Variants in KCNIP4 observed in about 807,000 individuals in gnomAD.
KCNIP4 encodes potassium voltage-gated channel interacting protein 4.
A neutral mutation model predicts 34.0 loss-of-function variants in KCNIP4; 12 were observed. The observed-to-expected ratio is 0.35, with a 90% CI of 0.23 to 0.57. The LOEUF (loss-of-function observed/expected upper bound fraction) is 0.57, where lower values mean the gene tolerates loss of function less well. KCNIP4 is among the 20% of genes least tolerant of loss of function. The pLI, the probability that KCNIP4 is intolerant of heterozygous loss-of-function variation, is 0.83. For missense variants in KCNIP4, 238 were observed against 311.7 expected (o/e 0.76, Z 1.78); for synonymous variants, 124 against 102.2 (o/e 1.21, Z -1.29).
chr4:21,573,828 T>C (rs1740533876), intron 1 of KCNIP4, among the ~76,000 whole-genome samples: 1 of 152,198 alleles, frequency 6.6e-6, no homozygotes, highest in Non-Finnish European at 1.5e-5. Flanking sequence ...TGATAACTAA[T>C]GTTGGAAACT....
At chr4:20,948,984 C>A (rs911251836) in intron 1 of KCNIP4, among the ~76,000 whole-genome samples, 3 of 152,104 alleles carry the variant, frequency 2.0e-5, no homozygotes, top group Non-Finnish European at 4.4e-5. Context: ...CCCTGCCACC[C>A]CTTTTGTATG....
chr4:21,631,461 A>G (rs1057503732), intron 1 of KCNIP4, among the ~76,000 whole-genome samples: 2 of 152,220 alleles, frequency 1.3e-5, no homozygotes, highest in African/African-American at 4.8e-5. Context: ...AGGTAAATCA[A>G]TAGTAACTTA....
intron 1 of KCNIP4, among the ~76,000 whole-genome samples, chr4:21,094,395 G>A (rs779430996): frequency 6.6e-6 from 1 of 152,172 alleles, no homozygotes; most frequent in African/African-American, 2.4e-5. Flanking sequence ...TACACAAAGT[G>A]CACAGAAATT....
At chr4:21,082,379 G>A (rs1026909459) in intron 1 of KCNIP4, among the ~76,000 whole-genome samples, 5 of 151,850 alleles carry the variant, frequency 3.3e-5, no homozygotes, top group Non-Finnish European at 7.4e-5. Flanking sequence ...GAGAATTTCT[G>A]TAAAGACTTT....
At chr4:21,340,254 T>C (rs1716620430) in intron 1 of KCNIP4, among the ~76,000 whole-genome samples, 1 of 72,388 alleles carries the variant, frequency 1.4e-5, no homozygotes, top group Non-Finnish European at 2.5e-5. Flanking sequence ...CTTTCCAAGA[T>C]GTAGTATCTC....
At chr4:21,336,862 A>G (rs1716227469) in intron 1 of KCNIP4, among the ~76,000 whole-genome samples, 1 of 152,088 alleles carries the variant, frequency 6.6e-6, no homozygotes, top group Non-Finnish European at 1.5e-5. Context: ...AGGAGATGCA[A>G]AACACACATA....
At chr4:21,030,899 C>T (rs1211926890) in intron 1 of KCNIP4, among the ~76,000 whole-genome samples, 3 of 152,150 alleles carry the variant, frequency 2.0e-5, no homozygotes, top group African/African-American at 7.2e-5. Context: ...ACCATGTCCC[C>T]TTGACCCACT....
At chr4:21,855,065 A>G (rs1724664774) in intron 1 of KCNIP4, among the ~76,000 whole-genome samples, 1 of 152,074 alleles carries the variant, frequency 6.6e-6, no homozygotes, top group African/African-American at 2.4e-5. Flanking sequence ...GATGACAGAT[A>G]CTCCCAGGAT....
chr4:21,453,241 G>A (rs1365710527), intron 1 of KCNIP4, among the ~76,000 whole-genome samples: 1 of 151,924 alleles, frequency 6.6e-6, no homozygotes, highest in African/African-American at 2.4e-5. Flanking sequence ...ATCTGGAAGA[G>A]GATAATGACT....
intron 1 of KCNIP4, among the ~76,000 whole-genome samples, chr4:21,482,199 G>C (rs1023309965): frequency 1.3e-5 from 2 of 151,988 alleles, no homozygotes; most frequent in African/African-American, 4.8e-5. Context: ...TTGAGCCTAC[G>C]TGTGTCTCTG....
chr4:21,833,532 T>G (rs956762663), intron 1 of KCNIP4, among the ~76,000 whole-genome samples: 129 of 152,296 alleles, frequency 8.5e-4, no homozygotes, highest in Middle Eastern at 3.4e-3. Flanking sequence ...TTTCTCCCAT[T>G]TTGTAGGTTG....
intron 3 of KCNIP4, among the ~76,000 whole-genome samples, chr4:20,798,662 T>C (rs1362160487): frequency 2.0e-5 from 3 of 152,010 alleles, no homozygotes; most frequent in African/African-American, 7.2e-5. Flanking sequence ...GATGGCTGCA[T>C]AGGGAAGGGA....
intron 4 of KCNIP4, among the ~76,000 whole-genome samples, chr4:20,757,678 ACTT>A (rs1238854762): frequency 6.6e-6 from 1 of 152,162 alleles, no homozygotes; most frequent in East Asian, 1.9e-4. Context: ...TCAGAAGTGA[ACTT>A]CTCCTGAGAG....
At chr4:21,827,926 G>A (rs1282327167) in intron 1 of KCNIP4, among the ~76,000 whole-genome samples, 4 of 151,036 alleles carry the variant, frequency 2.6e-5, no homozygotes, top group South Asian at 2.1e-4. Flanking sequence ...TTCAACCCAG[G>A]GCTGAAATAT....
Position 20,729,050 on chromosome 4 carries a change from ATTT to A in KCNIP4, c.*1029_*1031del, listed in dbSNP as rs1202721019. The A allele has an allele frequency of 1.4e-5, 1 of 69,806 alleles. No homozygotes were observed. The highest frequency in any genetic ancestry group is 3.1e-5 in the Non-Finnish European group (1 of 32,606). 4.3% of individuals were successfully genotyped at this position (69,806 alleles called of 1,614,324 possible). On this transcript the variant is annotated 3_prime_UTR_variant, in exon 9 of 9. Transcript: ENST00000382152. Reference sequence around the variant, plus strand: ...GGAACCACTGGTGCTTTCAAAGTGAATTTTGCTTGCTAATTTTGCTTGCTGTTT... The same window carrying A: ...GGAACCACTGGTGCTTTCAAAGTGAATGCTTGCTAATTTTGCTTGCTGTTT...
chr4:21,003,796 A>G lies in KCNIP4; in HGVS notation c.62-121087T>C, dbSNP rs561738073. ...GAAGTGTGGTAGTGCAGATTCTTCA[A>G]TGATAAGCCAGAATTACTCACACCA... is the stretch of plus-strand genomic sequence containing the variant. On this transcript the variant is annotated intron_variant, in intron 1 of 8. Coordinates refer to ENST00000382152, the MANE Select transcript of KCNIP4 (RefSeq NM_025221.6). Among the ~76,000 whole-genome samples the G allele has an allele frequency of 3.2e-4, 49 of 152,334 alleles. No individual in the cohort carries two copies. In the South Asian group the frequency reaches 5.0e-3, roughly 15 times the overall value.
rs1378913032 is a variant in KCNIP4 at position 20,728,995 on chromosome 4, C to CTAAATCTTGG, written c.*1077_*1086dup. The CTAAATCTTGG allele has an allele frequency of 6.6e-6, 1 of 152,224 alleles. No individual in the cohort carries two copies. The highest frequency in any genetic ancestry group is 1.5e-5 in the Non-Finnish European group (1 of 68,026). The allele number at this position is 152,224 out of a possible 1,614,324, so 9.4% of individuals were successfully genotyped here. Reference sequence around the variant, plus strand: ...TTAGTTGTTGAGCACTTATTTTCTACTAAATCTTGGTAGTAGTTGTCAATG... The same window carrying CTAAATCTTGG: ...TTAGTTGTTGAGCACTTATTTTCTACTAAATCTTGGTAAATCTTGGTAGTAGTTGTCAATG... On this transcript the variant is annotated 3_prime_UTR_variant, in exon 9 of 9. Transcript: ENST00000382152.
At chr4:21,672,091 G>A (rs60449660) in intron 1 of KCNIP4, among the ~76,000 whole-genome samples, 4,864 of 152,166 alleles carry the variant, frequency 0.032, 225 homozygotes, top group African/African-American at 0.1. Context: ...TGGTTCTGAC[G>A]TGGACACAAG....
intron 1 of KCNIP4, among the ~76,000 whole-genome samples, chr4:21,524,100 G>T (rs940224005): frequency 1.3e-5 from 2 of 152,054 alleles, no homozygotes; most frequent in African/African-American, 4.8e-5. Context: ...ACTCTTGAAA[G>T]AATGGAGAGA....
Sources: allele counts gnomAD v4.1 joint callset (sites outside exome capture counted in the v4.1 genomes callset), GRCh38; gene constraint gnomAD v4.1.1; transcripts MANE v1.5; gene names NCBI Gene and HGNC (gene_info 2026-07-23, HGNC 2026-07-21).